The following HECW2 variants were observed in gnomAD, a reference collection of about 807,000 sequenced individuals.
The protein encoded by HECW2 is E3 ubiquitin-protein ligase HECW2.
Under a neutral mutation model 175.2 loss-of-function variants are expected in HECW2, and 61 were observed. That is an observed-to-expected ratio of 0.35 (90% CI 0.28 to 0.43). The LOEUF (loss-of-function observed/expected upper bound fraction) is 0.43, where lower values mean the gene tolerates loss of function less well. Among genes scored for constraint, HECW2 ranks in the 20% least tolerant of loss-of-function variants. The pLI is 1.00. For missense variants in HECW2, 1,524 were observed against 2,000.5 expected (o/e 0.76, Z 4.54); for synonymous variants, 671 against 731.0 (o/e 0.92, Z 1.32).
At chr2:196,432,951 A>G (rs577929940) in intron 2 of HECW2, among the ~76,000 whole-genome samples, 181 bp downstream of exon 2, 1 of 152,326 alleles carries the variant, frequency 6.6e-6, no homozygotes, top group South Asian at 2.1e-4. Context: ...ACTTCATAAT[A>G]TAAGCAAATG....
chr2:196,518,724 TC>T (rs1024467149), intron 1 of HECW2, among the ~76,000 whole-genome samples: 74 of 146,402 alleles, frequency 5.1e-4, no homozygotes, highest in Middle Eastern at 7.1e-3. Context: ...GATCCTTCAC[TC>T]CCTCTGATAT....
chr2:196,393,032 C>G (rs1368961337), intron 2 of HECW2, among the ~76,000 whole-genome samples: 2 of 152,112 alleles, frequency 1.3e-5, no homozygotes, highest in Non-Finnish European at 2.9e-5. Flanking sequence ...TTTGACAAAC[C>G]TGACAAAAAC....
rs541100730 is a variant in HECW2 at position 196,476,391 on chromosome 2, C to T, written c.-35-42933G>A. On this transcript the variant is annotated intron_variant, in intron 1 of 28. Coordinates refer to ENST00000644978, the MANE Select transcript of HECW2 (RefSeq NM_001348768.2). The stretch of plus-strand genomic sequence containing the variant: ...CCAGGAGGCAAAGGTTGCAATAAAC[C>T]GGGATTGTGCCACTGCACTCCAGCC... Among the ~76,000 whole-genome samples the T allele has an allele frequency of 3.3e-5, 5 of 150,184 alleles. No individual in the cohort carries two copies. The East Asian group carries it at 9.8e-4, about 30-fold the overall frequency.
At chr2:196,274,163 C>G in intron 15 of HECW2, 40 bp from the exon 16 acceptor site, 1 of 1,473,990 alleles carries the variant, frequency 6.8e-7, no homozygotes, top group Non-Finnish European at 9.5e-7. Flanking sequence ...CACCAAGAGC[C>G]AGAATGCTCT....
chr2:196,296,012 G>C (rs1035327142), intron 13 of HECW2, among the ~76,000 whole-genome samples: 5 of 152,150 alleles, frequency 3.3e-5, no homozygotes, highest in Non-Finnish European at 7.3e-5. Context: ...GTACATGACT[G>C]TTAGGGTCTA....
chr2:196,232,860 G>C (rs1015664682), intron 21 of HECW2, among the ~76,000 whole-genome samples: 1 of 152,236 alleles, frequency 6.6e-6, no homozygotes, highest in Non-Finnish European at 1.5e-5. Flanking sequence ...TCCTCTAGGA[G>C]AAAATGTGTC....
rs142743109 is a variant in HECW2 at position 196,334,445 on chromosome 2, G to A, written c.474C>T (p.Thr158=). 125 of 1,609,402 alleles carry A rather than the reference G, an allele frequency of 7.8e-5. No individual in the cohort carries two copies. The highest frequency in any genetic ancestry group is 9.0e-5 in the Non-Finnish European group (106 of 1,178,092). Residue 158 remains threonine (T), a synonymous_variant, in exon 4 of 29, where the codon ACC becomes ACT. Transcript: ENST00000644978. ...TCACCATCACAGCTGGGTTCTTCACGGTGATGCAGGGGGTCGTGGCTCGCA... is the reference window on the plus strand; with the variant it reads ...TCACCATCACAGCTGGGTTCTTCACAGTGATGCAGGGGGTCGTGGCTCGCA... ...GALRATTPCI[T]VKNPAVMMGA...
At chr2:196,282,910 T>C (rs1176931905) in intron 14 of HECW2, among the ~76,000 whole-genome samples, 1 of 151,832 alleles carries the variant, frequency 6.6e-6, no homozygotes, top group African/African-American at 2.4e-5. Flanking sequence ...ATTCAGACGG[T>C]TGAGGGGTTT....
At chr2:196,317,695 TAA>T (rs5837501) in intron 9 of HECW2, among the ~76,000 whole-genome samples, 2 of 145,204 alleles carry the variant, frequency 1.4e-5, no homozygotes, top group African/African-American at 5.0e-5. Flanking sequence ...AAACAAAATT[TAA>T]AAAAAAAAAG....
rs1686790806 is a variant in HECW2, at chr2:196,199,540, TATGACCTCTATAAA to T, written c.*1723_*1736del. 6.6e-6 allele frequency: 1 copy of T among 152,594 alleles called. No individual in the cohort carries two copies. Among genetic ancestry groups the T allele is most frequent in the South Asian group, 2.1e-4 (1 of 4,830 alleles). The allele number at this position is 152,594 out of a possible 1,614,324, so 9.5% of individuals were successfully genotyped here. ...ACAAAACACCTATGAAAACTATGCA[TATGACCTCTATAAA>T]ATGTAAGATTGCCAACATCCCATAA... On this transcript the variant is annotated 3_prime_UTR_variant, in exon 29 of 29. Transcript: ENST00000644978.
chr2:196,374,726 T>A (rs575183756), intron 2 of HECW2, among the ~76,000 whole-genome samples: 1 of 152,144 alleles, frequency 6.6e-6, no homozygotes, highest in African/African-American at 2.4e-5. Context: ...CACAAAGTAT[T>A]ATCAACAACT....
rs553442127 is a variant in HECW2 at position 196,271,210 on chromosome 2, G to A, written c.3318C>T (p.Thr1106=). 7.8e-5 allele frequency: 125 copies of A among 1,600,572 alleles called. No homozygotes were observed. The Middle Eastern group carries it at 1.8e-3, about 23-fold the overall frequency. Residue 1106 remains threonine (T), a synonymous_variant, in exon 17 of 29, where the codon ACC becomes ACT. Coordinates refer to ENST00000644978, the MANE Select transcript of HECW2 (RefSeq NM_001348768.2). ...ATTGTTACCTGAGTGAGTGATTCCT[G>A]GTAAGATCAGGTTGACGCTCCTGTA... ...EILQERQPDL[T]RNHSLREKIQ...
At chr2:196,504,295 CAAA>C (rs371882295) in intron 1 of HECW2, among the ~76,000 whole-genome samples, 3 of 94,186 alleles carry the variant, frequency 3.2e-5, no homozygotes, top group African/African-American at 4.3e-5. Flanking sequence ...AACTCTGTCT[CAAA>C]AAAAAAAAAA....
intron 14 of HECW2, chr2:196,290,523 T>C (rs1357284402): frequency 6.6e-6 from 1 of 152,214 alleles, no homozygotes; most frequent in Non-Finnish European, 1.5e-5. Context: ...TCCATTATCT[T>C]AACTTGGGTT....
intron 1 of HECW2, among the ~76,000 whole-genome samples, chr2:196,543,802 C>T (rs1225005512): frequency 1.3e-5 from 2 of 152,104 alleles, no homozygotes; most frequent in Non-Finnish European, 2.9e-5. Flanking sequence ...TTAGTAGAGA[C>T]AGGATTTCAC....
chr2:196,461,066 A>G (rs1314269676), intron 1 of HECW2, among the ~76,000 whole-genome samples: 1 of 152,174 alleles, frequency 6.6e-6, no homozygotes, highest in Non-Finnish European at 1.5e-5. Context: ...TCAATTCTTG[A>G]GTAAACAGTT....
At chr2:196,426,849 T>C (rs910474787) in intron 2 of HECW2, among the ~76,000 whole-genome samples, 1 of 152,194 alleles carries the variant, frequency 6.6e-6, no homozygotes, top group African/African-American at 2.4e-5. Context: ...AGCTCTAAGA[T>C]ACATGATGAT....
chr2:196,346,990 A>G (rs971567365), intron 2 of HECW2, among the ~76,000 whole-genome samples: 4 of 138,646 alleles, frequency 2.9e-5, no homozygotes, highest in South Asian at 2.4e-4. Flanking sequence ...CCTGGGCGAC[A>G]GAGTGAGACT....
At chr2:196,230,461 A>T (rs1029839222) in intron 21 of HECW2, among the ~76,000 whole-genome samples, 6 of 152,218 alleles carry the variant, frequency 3.9e-5, no homozygotes, top group African/African-American at 1.2e-4. Context: ...CTTTAGGTTT[A>T]GCAGTTTCCA....
Sources: gnomAD v4.1 joint callset for allele counts (sites outside exome capture counted in the v4.1 genomes callset) on GRCh38, gnomAD v4.1.1 for gene constraint, MANE v1.5 for transcripts, NCBI Gene and HGNC (gene_info 2026-07-23, HGNC 2026-07-21) for gene names.